CDKN2AIPNL: variants seen among roughly 807,000 people sequenced by gnomAD.
CDKN2AIPNL encodes CDKN2AIP N-terminal-like protein.
A neutral mutation model predicts 12.9 loss-of-function variants in CDKN2AIPNL; 9 were observed. The observed-to-expected ratio is 0.70, with a 90% CI of 0.42 to 1.22. The LOEUF is 1.22. CDKN2AIPNL is among the 50% of genes most tolerant of loss of function. CDKN2AIPNL has a pLI of 0.00. For missense variants in CDKN2AIPNL, 143 were observed against 153.6 expected, an observed-to-expected ratio of 0.93 and a Z score of 0.37; for synonymous variants, 53 against 61.7, an observed-to-expected ratio of 0.86 and a Z score of 0.66.
intron 2 of CDKN2AIPNL, among the ~76,000 whole-genome samples, chr5:134,405,723 CA>C (rs1260658675): frequency 6.6e-6 from 1 of 152,144 alleles, no homozygotes; most frequent in African/African-American, 2.4e-5. Context: ...CCTTCATAGT[CA>C]CTTTTCATAC....
At chr5:134,408,313 C>T (rs1265410612) in intron 2 of CDKN2AIPNL, among the ~76,000 whole-genome samples, 1 of 151,598 alleles carries the variant, frequency 6.6e-6, no homozygotes, top group Non-Finnish European at 1.5e-5. Flanking sequence ...ATGAGAAGAT[C>T]CAAAAAGCCA....
intron 1 of CDKN2AIPNL, chr5:134,411,016 G>A (rs1269409268): frequency 1.4e-6 from 1 of 702,184 alleles, no homozygotes; most frequent in East Asian, 2.7e-5. Flanking sequence ...TCACAAAAAG[G>A]CATCGGCCAT....
intron 2 of CDKN2AIPNL, among the ~76,000 whole-genome samples, chr5:134,405,334 T>C (rs1759087749): frequency 6.6e-6 from 1 of 150,976 alleles, no homozygotes; most frequent in Non-Finnish European, 1.5e-5. Flanking sequence ...CTCGATCTCC[T>C]GACCTTGTGA....
chr5:134,403,211 GGC>G (rs1212064942), intron 2 of CDKN2AIPNL, among the ~76,000 whole-genome samples: 3 of 152,130 alleles, frequency 2.0e-5, no homozygotes, highest in Admixed American at 6.5e-5. Flanking sequence ...AACTTTTTCT[GGC>G]ATGCTTTGCA....
rs1202488342 is a variant in CDKN2AIPNL at position 134,411,687 on chromosome 5, G to T, written c.168C>A (p.Asp56Glu). Residue 56 changes from aspartate (D) to glutamate (E), a missense_variant, in exon 1 of 3, where the codon GAC becomes GAA. Coordinates refer to ENST00000458198, the MANE Select transcript of CDKN2AIPNL (RefSeq NM_080656.3). ...GCAGCTGGTCCAGGCGGCCACTGCCGTCGGGCGGGTCGCGGTAGTCGGGCA... is the reference window on the plus strand; with the variant it reads ...GCAGCTGGTCCAGGCGGCCACTGCCTTCGGGCGGGTCGCGGTAGTCGGGCA... ...RHLPDYRDPPDGSGRLDQLLS... is the reference protein window; with the variant it reads ...RHLPDYRDPPEGSGRLDQLLS... The T allele has an allele frequency of 6.2e-7, 1 of 1,612,910 alleles. No homozygotes were observed. Among genetic ancestry groups the T allele is most frequent in the Non-Finnish European group, 8.5e-7 (1 of 1,179,818 alleles).
chr5:134,407,656 T>C (rs566590051), intron 2 of CDKN2AIPNL, among the ~76,000 whole-genome samples: 15 of 151,634 alleles, frequency 9.9e-5, no homozygotes, highest in African/African-American at 3.6e-4. Context: ...GCGCCTGTAA[T>C]CCCAGCTTCT....
At chr5:134,407,993 T>C (rs911265430) in intron 2 of CDKN2AIPNL, among the ~76,000 whole-genome samples, 1 of 151,934 alleles carries the variant, frequency 6.6e-6, no homozygotes, top group Admixed American at 6.6e-5. Flanking sequence ...TAGCTGGGTA[T>C]GGTGGCACCC....
At chr5:134,408,141 TA>T (rs1476307769) in intron 2 of CDKN2AIPNL, among the ~76,000 whole-genome samples, 1 of 151,228 alleles carries the variant, frequency 6.6e-6, no homozygotes, top group African/African-American at 2.4e-5. Flanking sequence ...AAAAATAAAT[TA>T]AAAATAAAGG....
At chr5:134,407,630 C>T (rs1390921633) in intron 2 of CDKN2AIPNL, among the ~76,000 whole-genome samples, 5 of 151,832 alleles carry the variant, frequency 3.3e-5, no homozygotes, top group Non-Finnish European at 7.4e-5. Flanking sequence ...CAAAAAATAG[C>T]CGCGCGTGGT....
intron 2 of CDKN2AIPNL, among the ~76,000 whole-genome samples, chr5:134,405,153 C>T (rs1334235124): frequency 5.7e-4 from 84 of 148,652 alleles, no homozygotes; most frequent in African/African-American, 1.9e-3. Flanking sequence ...TAGCCCAGGC[C>T]GGATTGCAGT....
intron 2 of CDKN2AIPNL, 67 bp downstream of exon 2, chr5:134,409,836 G>A (rs1581335735): frequency 1.0e-6 from 1 of 955,888 alleles, no homozygotes; most frequent in Non-Finnish European, 1.7e-6. Context: ...CTCTAATATA[G>A]TGTCATCAAG....
At chr5:134,406,697 A>G (rs113861711) in intron 2 of CDKN2AIPNL, among the ~76,000 whole-genome samples, 2,219 of 152,242 alleles carry the variant, frequency 0.015, 42 homozygotes, top group African/African-American at 0.048. Flanking sequence ...TGGGGAACAT[A>G]GCAAAACCCA....
At chr5:134,411,228 G>C (rs543095128) in intron 1 of CDKN2AIPNL, 2 of 647,648 alleles carry the variant, frequency 3.1e-6, no homozygotes, top group South Asian at 3.4e-5. Flanking sequence ...GGGGATCTCC[G>C]TTTCTCTCTC....
chr5:134,408,364 G>A (rs891598943), intron 2 of CDKN2AIPNL, among the ~76,000 whole-genome samples: 1 of 151,808 alleles, frequency 6.6e-6, no homozygotes, highest in African/African-American at 2.4e-5. Context: ...AAAAACAGTA[G>A]CCCCTTTTTA....
In CDKN2AIPNL at chr5:134,402,633, A is replaced by G. The variant is rs576544783; in HGVS notation, c.*282T>C. 2 of 308,206 alleles carry G rather than the reference A, an allele frequency of 6.5e-6. No homozygotes were observed. Among genetic ancestry groups the G allele is most frequent in the African/African-American group, 4.3e-5 (2 of 46,196 alleles). 19.1% of individuals were successfully genotyped at this position (308,206 alleles called of 1,614,324 possible). On this transcript the variant is annotated 3_prime_UTR_variant, in exon 3 of 3. Transcript: ENST00000458198. ...GACCTTGTCGATAAGAAAAAAAAAA[A>G]CCTGAAAACAGAAAAGAGGGCTTTT... is the stretch of plus-strand genomic sequence containing the variant.
At chr5:134,405,266 C>T (rs1464092522) in intron 2 of CDKN2AIPNL, among the ~76,000 whole-genome samples, 2 of 151,222 alleles carry the variant, frequency 1.3e-5, no homozygotes, top group South Asian at 2.1e-4. Flanking sequence ...CCACCGCGCC[C>T]GGCTAATTTT....
In CDKN2AIPNL at chr5:134,411,607, G is replaced by T; in HGVS notation, c.239+9C>A. On this transcript the variant is annotated intron_variant, in intron 1 of 2. Coordinates refer to ENST00000458198, the MANE Select transcript of CDKN2AIPNL (RefSeq NM_080656.3). ...GGGACAGGATCAGCCGGCCGGCAGG[G>T]GTCCGCACCTGCAGCCTAGGAAGAG... is the stretch of plus-strand genomic sequence containing the variant. 1 of 1,607,948 alleles carries T rather than the reference G, an allele frequency of 6.2e-7. No homozygotes were observed. The highest frequency in any genetic ancestry group is 1.1e-5 in the South Asian group (1 of 90,562).
At chr5:134,403,048 TC>T (rs548660800) in intron 2 of CDKN2AIPNL, 122 bp from the exon 3 acceptor site, 191 of 673,486 alleles carry the variant, frequency 2.8e-4, no homozygotes, top group Admixed American at 1.5e-3. Context: ...GTAAGTATAC[TC>T]AGAAATTATT....
chr5:134,410,957 C>A, intron 1 of CDKN2AIPNL: 1 of 699,152 alleles, frequency 1.4e-6, no homozygotes, highest in Non-Finnish European at 2.6e-6. Context: ...CAAAAGCGGG[C>A]CTTTGTCCTT....
Sources: gnomAD v4.1 joint callset for allele counts (sites outside exome capture counted in the v4.1 genomes callset) on GRCh38, gnomAD v4.1.1 for gene constraint, MANE v1.5 for transcripts, NCBI Gene and HGNC (gene_info 2026-07-23, HGNC 2026-07-21) for gene names.